Variants in DOCK1 observed in about 807,000 individuals in gnomAD.
DOCK1 encodes the protein dedicator of cytokinesis 1, also known as dedicator of cytokinesis protein 1.
Under a neutral mutation model 262.7 loss-of-function variants are expected in DOCK1, and 138 were observed. The ratio of observed to expected loss-of-function variants is 0.53; its 90% CI spans 0.46 to 0.61. The LOEUF (loss-of-function observed/expected upper bound fraction) is 0.61, where lower values mean the gene tolerates loss of function less well. Ranked by LOEUF, DOCK1 falls within the 20% of genes least tolerant of loss-of-function variation. The pLI is 0.00. For missense variants in DOCK1, 1,908 were observed against 2,370.7 expected (o/e 0.80, Z 4.05); for synonymous variants, 866 against 867.4 (o/e 1.00, Z 0.03).
chr10:126,965,756 A>C (rs2037626456), intron 1 of DOCK1, among the ~76,000 whole-genome samples: 1 of 152,120 alleles, frequency 6.6e-6, no homozygotes, highest in Non-Finnish European at 1.5e-5. Context: ...TCTCTGCATC[A>C]GTTGAGATGA....
chr10:127,367,040 G>A (rs544842262), intron 33 of DOCK1, among the ~76,000 whole-genome samples: 1 of 152,300 alleles, frequency 6.6e-6, no homozygotes, highest in East Asian at 1.9e-4. Context: ...ATATGTCCAG[G>A]TGTATTTTAC....
chr10:127,369,421 C>T (rs2065091565), intron 33 of DOCK1, among the ~76,000 whole-genome samples: 1 of 152,220 alleles, frequency 6.6e-6, no homozygotes, highest in African/African-American at 2.4e-5. Flanking sequence ...TCCTTGACTC[C>T]AGGAGCTGCG....
intron 48 of DOCK1, among the ~76,000 whole-genome samples, chr10:127,435,856 C>T (rs1449865131): frequency 6.6e-6 from 1 of 152,192 alleles, no homozygotes; most frequent in Non-Finnish European, 1.5e-5. Flanking sequence ...GCACAGGTTA[C>T]ATGCAGAATA....
At chr10:127,145,904 G>A (rs1476007057) in intron 27 of DOCK1, 1 of 477,926 alleles carries the variant, frequency 2.1e-6, no homozygotes, top group South Asian at 1.6e-5. Flanking sequence ...CTAAACGTCA[G>A]CCTGTGCATT....
chr10:127,160,556 T>C (rs1237487954), intron 27 of DOCK1, among the ~76,000 whole-genome samples: 1 of 152,240 alleles, frequency 6.6e-6, no homozygotes. Flanking sequence ...AGTTCAGAGC[T>C]TCTAGCATGT....
intron 27 of DOCK1, among the ~76,000 whole-genome samples, chr10:127,163,458 T>A (rs907128867): frequency 5.9e-5 from 9 of 152,110 alleles, no homozygotes; most frequent in African/African-American, 2.2e-4. Context: ...GGGCAAACTT[T>A]CAGTGCCCAC....
In DOCK1 at chr10:127,441,408, G is replaced by C. The variant is rs72843740; in HGVS notation, c.5259+2183G>C. 7.4e-3 allele frequency among the ~76,000 whole-genome samples: 1,127 copies of C among 152,348 alleles called. 5 individuals are homozygous for C. Among genetic ancestry groups the C allele is most frequent in the Admixed American group, 0.016 (238 of 15,312 alleles). Reference sequence around the variant, plus strand: ...GCGGTGCTTCTCAGCATCTGGCCCAGTGTCAGCTTGAACCTTCCAGCACCA... The same window carrying C: ...GCGGTGCTTCTCAGCATCTGGCCCACTGTCAGCTTGAACCTTCCAGCACCA... On this transcript the variant is annotated intron_variant, in intron 49 of 51. Coordinates refer to ENST00000623213, the MANE Select transcript of DOCK1 (RefSeq NM_001290223.2).
In DOCK1 at chr10:127,114,707, T is replaced by C. The variant is rs1259349950; in HGVS notation, c.2623+4353T>C. Among the ~76,000 whole-genome samples the C allele has an allele frequency of 2.6e-5, 4 of 151,972 alleles. No homozygotes were observed. The East Asian group carries it at 7.7e-4, about 29-fold the overall frequency. On this transcript the variant is annotated intron_variant, in intron 25 of 51. Transcript: ENST00000623213. Reference sequence around the variant, plus strand: ...GAGAAGAGAGTAATGCATGCCAGTGTACTCATCACTCAGCTCCACAAATTA... The same window carrying C: ...GAGAAGAGAGTAATGCATGCCAGTGCACTCATCACTCAGCTCCACAAATTA...
chr10:126,934,198 A>G (rs1448839249), intron 1 of DOCK1, among the ~76,000 whole-genome samples: 1 of 152,126 alleles, frequency 6.6e-6, no homozygotes, highest in Non-Finnish European at 1.5e-5. Flanking sequence ...CAAATTTTAT[A>G]TATAGTATTT....
chr10:127,211,257 C>T (rs2057959846), intron 27 of DOCK1, among the ~76,000 whole-genome samples: 1 of 152,188 alleles, frequency 6.6e-6, no homozygotes, highest in African/African-American at 2.4e-5. Flanking sequence ...TTTCATGTCT[C>T]ATCTATCAGG....
At chr10:127,357,727 A>C (rs957562824) in intron 32 of DOCK1, among the ~76,000 whole-genome samples, 4 of 152,212 alleles carry the variant, frequency 2.6e-5, no homozygotes, top group Non-Finnish European at 4.4e-5. Context: ...TGGAAACAAC[A>C]AGAAGTAACA....
intron 29 of DOCK1, among the ~76,000 whole-genome samples, chr10:127,324,366 T>C (rs556578945): frequency 6.6e-6 from 1 of 152,270 alleles, no homozygotes; most frequent in East Asian, 1.9e-4. Flanking sequence ...ATAATAGAAA[T>C]CAGAAATGCC....
intron 27 of DOCK1, among the ~76,000 whole-genome samples, chr10:127,190,679 C>CCCCT (rs2056679233): frequency 1.6e-5 from 1 of 63,486 alleles, no homozygotes; most frequent in African/African-American, 7.3e-5. Context: ...CCCCCCCCCC[C>CCCCT]CCCCGTTCCT....
chr10:127,016,853 C>A (rs1565068806), intron 12 of DOCK1, among the ~76,000 whole-genome samples: 1 of 109,454 alleles, frequency 9.1e-6, no homozygotes, highest in Non-Finnish European at 1.9e-5. Flanking sequence ...CACACAGATA[C>A]CATAAACACA....
At chr10:127,378,389 A>G (rs1263840572) in intron 35 of DOCK1, among the ~76,000 whole-genome samples, 1 of 152,174 alleles carries the variant, frequency 6.6e-6, no homozygotes, top group Admixed American at 6.5e-5. Flanking sequence ...CTTGGCACAG[A>G]TGTCAGTCAG....
intron 27 of DOCK1, among the ~76,000 whole-genome samples, chr10:127,143,703 G>T (rs1199104964): frequency 1.3e-5 from 2 of 152,158 alleles, no homozygotes; most frequent in Non-Finnish European, 2.9e-5. Flanking sequence ...GAAACTAAAA[G>T]TTGGGATCTG....
intron 27 of DOCK1, among the ~76,000 whole-genome samples, chr10:127,144,445 A>G (rs2051592523): frequency 1.3e-5 from 2 of 152,124 alleles, no homozygotes; most frequent in Non-Finnish European, 2.9e-5. Context: ...GACCATGTTT[A>G]ATTCATCTTT....
At chr10:127,335,827 G>C (rs1396112736) in intron 29 of DOCK1, among the ~76,000 whole-genome samples, 1 of 151,926 alleles carries the variant, frequency 6.6e-6, no homozygotes, top group African/African-American at 2.4e-5. Context: ...CCATTCTCCT[G>C]CCTCAGCCTC....
chr10:127,124,661 C>G (rs901055925), intron 25 of DOCK1, among the ~76,000 whole-genome samples: 2 of 152,150 alleles, frequency 1.3e-5, no homozygotes, highest in East Asian at 3.9e-4. Context: ...CAGAGTGGGG[C>G]CTCTGCACCT....
Sources: allele counts gnomAD v4.1 joint callset (sites outside exome capture counted in the v4.1 genomes callset), GRCh38; gene constraint gnomAD v4.1.1; transcripts MANE v1.5; gene names NCBI Gene and HGNC (gene_info 2026-07-23, HGNC 2026-07-21).